Variants in RAB11FIP4 observed in about 807,000 individuals in gnomAD.
The protein encoded by RAB11FIP4 is RAB11 family interacting protein 4, also known as rab11 family-interacting protein 4.
Under a neutral mutation model 74.3 loss-of-function variants are expected in RAB11FIP4, and 23 were observed. The observed-to-expected ratio is 0.31, with a 90% CI of 0.22 to 0.44. The LOEUF (loss-of-function observed/expected upper bound fraction) is 0.44. Ranked by LOEUF, RAB11FIP4 falls within the 20% of genes least tolerant of loss-of-function variation. The pLI is 1.00. For missense variants in RAB11FIP4, 630 were observed against 863.9 expected, an observed-to-expected ratio of 0.73 and a Z score of 3.39; for synonymous variants, 360 against 359.9, an observed-to-expected ratio of 1.00 and a Z score of 0.00.
intron 1 of RAB11FIP4, among the ~76,000 whole-genome samples, chr17:31,402,465 C>G (rs1354877194): frequency 6.6e-6 from 1 of 152,136 alleles, no homozygotes; most frequent in Non-Finnish European, 1.5e-5. Flanking sequence ...GCAGCAACAC[C>G]TCAGTGCAGT....
intron 3 of RAB11FIP4, among the ~76,000 whole-genome samples, chr17:31,487,181 G>A (rs988263345): frequency 6.6e-6 from 1 of 152,296 alleles, no homozygotes; most frequent in Admixed American, 6.5e-5. Flanking sequence ...AGGTCAAAGG[G>A]CAACCACATT....
At chr17:31,435,695 T>TCCCTGGG (rs888772518) in intron 3 of RAB11FIP4, among the ~76,000 whole-genome samples, 3 of 151,958 alleles carry the variant, frequency 2.0e-5, no homozygotes, top group Admixed American at 2.0e-4. Context: ...GGTCGTGGGG[T>TCCCTGGG]CAGGGTTAGG....
chr17:31,486,609 G>GTATCATAGGGTTATCATA (rs2071905427), intron 3 of RAB11FIP4, among the ~76,000 whole-genome samples: 1 of 152,200 alleles, frequency 6.6e-6, no homozygotes, highest in Non-Finnish European at 1.5e-5. Flanking sequence ...ACACCACAGT[G>GTATCATAGGGTTATCATA]CTCCTGTGTG....
At chr17:31,506,860 C>G (rs10048159) in intron 3 of RAB11FIP4, among the ~76,000 whole-genome samples, 24,633 of 152,192 alleles carry the variant, frequency 0.16, 2,465 homozygotes, top group South Asian at 0.3. Context: ...ATGCAGATCT[C>G]TCTTTGACAT....
At chr17:31,497,513 G>A (rs2072139791) in intron 3 of RAB11FIP4, among the ~76,000 whole-genome samples, 1 of 152,206 alleles carries the variant, frequency 6.6e-6, no homozygotes, top group Non-Finnish European at 1.5e-5. Context: ...TGAGCAGGAT[G>A]TGTCAGGGGC....
chr17:31,412,383 T>C (rs2071106620), intron 1 of RAB11FIP4, among the ~76,000 whole-genome samples: 1 of 152,202 alleles, frequency 6.6e-6, no homozygotes, highest in Non-Finnish European at 1.5e-5. Context: ...CCGCTCCCCC[T>C]TCACTTTAGT....
At chr17:31,489,859 G>T (rs375931780) in intron 3 of RAB11FIP4, among the ~76,000 whole-genome samples, 8 of 152,108 alleles carry the variant, frequency 5.3e-5, no homozygotes, top group African/African-American at 1.9e-4. Context: ...TTAGGCGAAG[G>T]GGGTGGAGTA....
intron 3 of RAB11FIP4, among the ~76,000 whole-genome samples, chr17:31,451,389 G>T (rs890884220): frequency 3.3e-5 from 5 of 151,186 alleles, no homozygotes; most frequent in African/African-American, 1.2e-4. Flanking sequence ...AACCCGGGAG[G>T]CGGAGGTTGC....
At chr17:31,471,828 C>A (rs1256398613) in intron 3 of RAB11FIP4, among the ~76,000 whole-genome samples, 2 of 152,088 alleles carry the variant, frequency 1.3e-5, no homozygotes. Flanking sequence ...AAACAGGGAG[C>A]CTTTTCAGGT....
chr17:31,402,201 C>G (rs866046039), intron 1 of RAB11FIP4, among the ~76,000 whole-genome samples: 1 of 150,928 alleles, frequency 6.6e-6, no homozygotes, highest in African/African-American at 2.5e-5. Context: ...ATCCATCCAT[C>G]CATCCATCCA....
intron 3 of RAB11FIP4, among the ~76,000 whole-genome samples, chr17:31,479,289 TC>T (rs2071824089): frequency 6.6e-6 from 1 of 152,216 alleles, no homozygotes; most frequent in Non-Finnish European, 1.5e-5. Flanking sequence ...ATCTGATGTG[TC>T]TGGGAAGAGG....
Position 31,434,095 on chromosome 17 carries a change from G to C in RAB11FIP4, c.309G>C (p.Ala103=). The change falls in exon 3 of 15, where the codon GCG becomes GCC. Residue 103 remains alanine (A), a synonymous_variant. Coordinates refer to ENST00000621161, the MANE Select transcript of RAB11FIP4 (RefSeq NM_032932.6). ...SVESAGTLPC[A]PEIPDCVEQG... ...AGAGCGCGGGGACGCTGCCGTGCGCGCCAGAGATCCCAGACTGCGTGGAGC... is the reference window on the plus strand; with the variant it reads ...AGAGCGCGGGGACGCTGCCGTGCGCCCCAGAGATCCCAGACTGCGTGGAGC... 6.3e-7 allele frequency: 1 copy of C among 1,585,076 alleles called. No homozygotes were observed. The highest frequency in any genetic ancestry group is 2.3e-5 in the East Asian group (1 of 44,208).
intron 8 of RAB11FIP4, 109 bp from the exon 9 acceptor site, chr17:31,523,784 T>C: frequency 9.8e-7 from 1 of 1,017,502 alleles, no homozygotes; most frequent in Non-Finnish European, 1.5e-6. Flanking sequence ...ATGACCGTTC[T>C]CAGATACACA....
intron 1 of RAB11FIP4, among the ~76,000 whole-genome samples, chr17:31,405,245 A>G (rs2071031795): frequency 6.6e-6 from 1 of 152,134 alleles, no homozygotes; most frequent in Admixed American, 6.5e-5. Context: ...TGGGTCCTCC[A>G]TGATTCCCAC....
chr17:31,510,615 T>C (rs931095309), intron 3 of RAB11FIP4, among the ~76,000 whole-genome samples: 1 of 152,150 alleles, frequency 6.6e-6, no homozygotes, highest in Admixed American at 6.5e-5. Flanking sequence ...CTAAAGGGTG[T>C]GACTCGTGTG....
At chr17:31,494,892 G>A (rs916488236) in intron 3 of RAB11FIP4, among the ~76,000 whole-genome samples, 2 of 152,206 alleles carry the variant, frequency 1.3e-5, no homozygotes, top group African/African-American at 4.8e-5. Context: ...AGCAGCTTCC[G>A]AGGTAACAGA....
intron 3 of RAB11FIP4, among the ~76,000 whole-genome samples, chr17:31,463,502 C>T (rs2071652433): frequency 6.6e-6 from 1 of 152,082 alleles, no homozygotes; most frequent in Non-Finnish European, 1.5e-5. Context: ...CAAGTTTCCA[C>T]ACAGCAAGAG....
chr17:31,523,446 T>G, intron 7 of RAB11FIP4, 66 bp from the exon 8 acceptor site: 1 of 1,263,418 alleles, frequency 7.9e-7, no homozygotes, highest in Non-Finnish European at 1.2e-6. Flanking sequence ...GCCTAGCCAG[T>G]AGTGTGAGTA....
At chr17:31,521,490 C>T (rs780971857) in intron 5 of RAB11FIP4, 130 bp downstream of exon 5, 5 of 820,988 alleles carry the variant, frequency 6.1e-6, no homozygotes, top group Non-Finnish European at 9.3e-6. Context: ...TTGAGTTCTG[C>T]TCCTGGGGCT....
Sources: gnomAD v4.1 joint callset for allele counts (sites outside exome capture counted in the v4.1 genomes callset) on GRCh38, gnomAD v4.1.1 for gene constraint, MANE v1.5 for transcripts, NCBI Gene and HGNC (gene_info 2026-07-23, HGNC 2026-07-21) for gene names.